The following TRPC6 variants were observed in gnomAD, a reference collection of about 807,000 sequenced individuals.
TRPC6 encodes transient receptor potential cation channel subfamily C member 6, also known as short transient receptor potential channel 6.
Under a neutral mutation model 90.7 loss-of-function variants are expected in TRPC6, and 55 were observed. The ratio of observed to expected loss-of-function variants is 0.61; its 90% CI spans 0.49 to 0.76. The LOEUF is 0.76. Ranked by LOEUF, TRPC6 falls within the 30% of genes least tolerant of loss-of-function variation. TRPC6 has a pLI of 0.00. For synonymous variants in TRPC6, 393 were observed against 393.0 expected (o/e 1.00, Z 0.00); for missense variants, 989 against 1,122.7 (o/e 0.88, Z 1.70).
At chr11:101,543,742 A>G (rs1389502211) in intron 1 of TRPC6, among the ~76,000 whole-genome samples, 3 of 152,220 alleles carry the variant, frequency 2.0e-5, no homozygotes, top group East Asian at 3.8e-4. Context: ...CTCAAGATGG[A>G]TTAAAGACTT....
intron 1 of TRPC6, among the ~76,000 whole-genome samples, chr11:101,507,015 A>G (rs962718784): frequency 1.4e-5 from 2 of 147,074 alleles, no homozygotes; most frequent in Admixed American, 1.3e-4. Flanking sequence ...TAACACACAC[A>G]CACACACACA....
chr11:101,504,188 T>G lies in TRPC6; in HGVS notation c.781A>C (p.Lys261Gln). ...YFCKCNDCNQ[K>Q]QKHDSFSHSR... ...TGGCTAAACGAGTCATGCTTCTGTT[T>G]CTGGTTGCAGTCATTGCACTTGCAG... Residue 261 changes from lysine (K) to glutamine (Q), a missense_variant, in exon 2 of 13, where the codon AAA (lysine) becomes CAA (glutamine). This residue lies in a region of TRPC6 where 486 missense variants were observed against 591.9 expected (regional missense o/e 0.82). Transcript: ENST00000344327. 1 of 1,614,180 alleles carries G rather than the reference T, an allele frequency of 6.2e-7. No individual in the cohort carries two copies. Among genetic ancestry groups the G allele is most frequent in the Non-Finnish European group, 8.5e-7 (1 of 1,180,002 alleles).
At chr11:101,578,129 A>G (rs1685442890) in intron 1 of TRPC6, among the ~76,000 whole-genome samples, 1 of 152,230 alleles carries the variant, frequency 6.6e-6, no homozygotes, top group Admixed American at 6.5e-5. Flanking sequence ...TAGGGGGATG[A>G]AGGACAGACC....
intron 2 of TRPC6, among the ~76,000 whole-genome samples, chr11:101,502,849 A>G (rs548088405): frequency 6.6e-6 from 1 of 152,302 alleles, no homozygotes; most frequent in East Asian, 1.9e-4. Flanking sequence ...AGATAGACAC[A>G]TGACATCTGA....
Position 101,471,303 on chromosome 11 carries a change from G to C in TRPC6, c.2289C>G (p.Pro763=), listed in dbSNP as rs200640958. The stretch of plus-strand genomic sequence containing the variant: ...ACTTTGGACTCGGCACCAGATTGAA[G>C]GGTACAGGAAGTGTTCTGCCCTCCT... ...YFEEGRTLPV[P]FNLVPSPKSL... Residue 763 remains proline, a synonymous_variant, in exon 9 of 13, where the codon CCC becomes CCG. Coordinates refer to ENST00000344327, the MANE Select transcript of TRPC6 (RefSeq NM_004621.6). 65 of 1,613,824 alleles carry C rather than the reference G, an allele frequency of 4.0e-5. No homozygotes were observed. Among genetic ancestry groups the C allele is most frequent in the Non-Finnish European group, 5.3e-5 (62 of 1,179,892 alleles).
intron 6 of TRPC6, 136 bp downstream of exon 6, chr11:101,476,165 G>A (rs1859412274): frequency 2.8e-6 from 2 of 723,682 alleles, no homozygotes; most frequent in Non-Finnish European, 4.7e-6. Flanking sequence ...ACATATAGAT[G>A]CTCATTCTTC....
intron 1 of TRPC6, among the ~76,000 whole-genome samples, chr11:101,526,096 A>G (rs929466956): frequency 6.6e-6 from 1 of 152,196 alleles, no homozygotes; most frequent in Admixed American, 6.5e-5. Context: ...CCAGTCCCTC[A>G]TGCAATTTCT....
chr11:101,481,642 G>T (rs1039680979), intron 5 of TRPC6, among the ~76,000 whole-genome samples: 3 of 152,140 alleles, frequency 2.0e-5, no homozygotes, highest in Non-Finnish European at 4.4e-5. Flanking sequence ...TCACCAAGTT[G>T]TTTGGGGTTT....
In TRPC6 at chr11:101,583,480, C is replaced by T. The variant is rs1273657969; in HGVS notation, c.24G>A (p.Gly8=). Residue 8 remains glycine (G), a synonymous_variant, in exon 1 of 13, where the codon GGG becomes GGA. Coordinates refer to ENST00000344327, the MANE Select transcript of TRPC6 (RefSeq NM_004621.6). MSQSPAF[G]PRRGSSPRGA... ...CCCGGGGAGAACTGCCCCTCCGGGG[C>T]CCGAACGCCGGGCTCTGGCTCATGG... is the stretch of plus-strand genomic sequence containing the variant. 3.3e-6 allele frequency: 5 copies of T among 1,510,838 alleles called. No individual in the cohort carries two copies. The highest frequency in any genetic ancestry group is 4.4e-6 in the Non-Finnish European group (5 of 1,127,872). 93.6% of individuals were successfully genotyped at this position (1,510,838 alleles called of 1,614,324 possible).
At chr11:101,479,862 A>C (rs1859504943) in intron 5 of TRPC6, among the ~76,000 whole-genome samples, 1 of 152,166 alleles carries the variant, frequency 6.6e-6, no homozygotes, top group Non-Finnish European at 1.5e-5. Context: ...TGAAAAAGGA[A>C]AAAATATATA....
At chr11:101,503,615 C>G (rs955048701) in intron 2 of TRPC6, among the ~76,000 whole-genome samples, 1 of 152,112 alleles carries the variant, frequency 6.6e-6, no homozygotes, top group Non-Finnish European at 1.5e-5. Context: ...GTGCTCTGAA[C>G]ATGGAAATAG....
At chr11:101,476,210 T>A (rs1057110197) in intron 6 of TRPC6, 91 bp downstream of exon 6, 11 of 1,051,220 alleles carry the variant, frequency 1.0e-5, no homozygotes, top group Admixed American at 4.0e-5. Context: ...AACAATTTTA[T>A]GAGAATTGTG....
chr11:101,539,587 T>C (rs1019043220), intron 1 of TRPC6, among the ~76,000 whole-genome samples: 1 of 152,224 alleles, frequency 6.6e-6, no homozygotes. Flanking sequence ...TACTAAACAG[T>C]TACCTTGGCT....
Position 101,469,276 on chromosome 11 carries a change from A to G in TRPC6, c.2484+151T>C, listed in dbSNP as rs11224773. Reference sequence around the variant, plus strand: ...AAACATAGCTTATTTCTACCTCTCAATAACAGAATTGTTGAGATTTGTTAA... The same window carrying G: ...AAACATAGCTTATTTCTACCTCTCAGTAACAGAATTGTTGAGATTTGTTAA... On this transcript the variant is annotated intron_variant, in intron 10 of 12. Transcript: ENST00000344327. 73,907 of 627,206 alleles carry G rather than the reference A, an allele frequency of 0.12. 4,974 individuals carry two copies. The highest frequency in any genetic ancestry group is 0.16 in the Middle Eastern group (617 of 3,822). The allele number at this position is 627,206 out of a possible 1,614,324, so 38.9% of individuals were successfully genotyped here. A position where few individuals can be genotyped will look rare whatever the true frequency, so the allele number is the denominator to read the frequency against.
intron 1 of TRPC6, among the ~76,000 whole-genome samples, chr11:101,534,962 G>A (rs756674598): frequency 2.0e-5 from 3 of 151,948 alleles, no homozygotes; most frequent in Non-Finnish European, 4.4e-5. Flanking sequence ...AAGGGTTCGC[G>A]AACAGCCTGG....
chr11:101,501,348 G>A (rs1376036333), intron 2 of TRPC6, among the ~76,000 whole-genome samples: 1 of 151,864 alleles, frequency 6.6e-6, no homozygotes, highest in African/African-American at 2.4e-5. Context: ...AATTAGGAAT[G>A]ATTTTTTAAA....
intron 2 of TRPC6, 151 bp from the exon 3 acceptor site, chr11:101,491,889 G>A (rs1408221127): frequency 2.8e-6 from 2 of 703,892 alleles, no homozygotes; most frequent in Non-Finnish European, 4.3e-6. Flanking sequence ...TGCCCAGGCT[G>A]GAGTGCAGTG....
At chr11:101,582,439 G>A (rs1591155662) in intron 1 of TRPC6, among the ~76,000 whole-genome samples, 1 of 152,082 alleles carries the variant, frequency 6.6e-6, no homozygotes, top group African/African-American at 2.4e-5. Flanking sequence ...ACCCAAAGGG[G>A]CAATGGGACA....
intron 5 of TRPC6, among the ~76,000 whole-genome samples, chr11:101,482,338 T>A (rs1439569433): frequency 6.6e-6 from 1 of 152,196 alleles, no homozygotes; most frequent in African/African-American, 2.4e-5. Flanking sequence ...GCAAGCTACA[T>A]GTATGATTGA....
Sources: gnomAD v4.1 joint callset for allele counts (sites outside exome capture counted in the v4.1 genomes callset) on GRCh38, gnomAD v4.1.1 for gene constraint, gnomAD v4.1.1 regional missense constraint, MANE v1.5 for transcripts, NCBI Gene and HGNC (gene_info 2026-07-23, HGNC 2026-07-21) for gene names.